Variants in CACNA2D2 observed in about 807,000 individuals in gnomAD.
CACNA2D2 encodes the protein voltage-dependent calcium channel subunit alpha-2/delta-2.
CACNA2D2 carries 48 observed loss-of-function variants against 166.4 expected under a neutral mutation model. The observed-to-expected ratio is 0.29, with a 90% CI of 0.23 to 0.37. CACNA2D2 has a LOEUF of 0.37. Ranked by LOEUF, CACNA2D2 falls within the 10% of genes least tolerant of loss-of-function variation. The pLI, the probability that CACNA2D2 is intolerant of heterozygous loss-of-function variation, is 1.00. For synonymous variants in CACNA2D2, 561 were observed against 573.7 expected, an observed-to-expected ratio of 0.98 and a Z score of 0.32; for missense variants, 1,122 against 1,433.0, an observed-to-expected ratio of 0.78 and a Z score of 3.50.
At chr3:50,440,945 G>T (rs1708561775) in intron 2 of CACNA2D2, among the ~76,000 whole-genome samples, 1 of 152,146 alleles carries the variant, frequency 6.6e-6, no homozygotes, top group Non-Finnish European at 1.5e-5. Context: ...GGCTGGGCAG[G>T]GGTTTTTGTG....
chr3:50,413,202 G>C (rs917883823), intron 3 of CACNA2D2, among the ~76,000 whole-genome samples: 2 of 152,080 alleles, frequency 1.3e-5, no homozygotes, highest in African/African-American at 2.4e-5. Context: ...AGCATGAGGA[G>C]GGGGAAGGGA....
chr3:50,367,472 G>C lies in CACNA2D2; in HGVS notation c.2323C>G (p.Pro775Ala), dbSNP rs747278921. 6.2e-7 allele frequency: 1 copy of C among 1,613,924 alleles called. No individual in the cohort carries two copies. The highest frequency in any genetic ancestry group is 8.5e-7 in the Non-Finnish European group (1 of 1,179,988). The change falls in exon 27 of 38, where the codon CCT (proline) becomes GCT (alanine). Residue 775 changes from proline (P) to alanine (A), a missense_variant. Pro to Ala is a conservative substitution (Grantham distance 27). Transcript: ENST00000424201. The surrounding 1 kb of genome is among the most constrained non-coding windows in gnomAD (Gnocchi z 6.5). ...TAGAAGCTGGCATTGAAGGGCTCAG[G>C]GTTCTCTGTCCAGTCCTCAGCTGCC... ...NKAAEDWTEN[P>A]EPFNASFYRR...
intron 2 of CACNA2D2, among the ~76,000 whole-genome samples, chr3:50,462,890 G>GA (rs112375169): frequency 0.096 from 13,907 of 144,494 alleles, 1,949 homozygotes; most frequent in African/African-American, 0.31. Context: ...ATAAGAAAAA[G>GA]AAAAAAAAAA....
rs1280106037 is a variant in CACNA2D2, at chr3:50,403,819, C to A, written c.406-9651G>T. Among the ~76,000 whole-genome samples, 3 of 152,366 alleles carry A rather than the reference C, an allele frequency of 2.0e-5. No homozygotes were observed. In the East Asian group the frequency reaches 5.8e-4, roughly 29 times the overall value. ...GGAGTGTCCTTTCTCATCCCCTCCCCTGGCTAGCTCCTCCTCATCCTGTAG... is the reference window on the plus strand; with the variant it reads ...GGAGTGTCCTTTCTCATCCCCTCCCATGGCTAGCTCCTCCTCATCCTGTAG... On this transcript the variant is annotated intron_variant, in intron 3 of 37. Coordinates refer to ENST00000424201, the MANE Select transcript of CACNA2D2 (RefSeq NM_006030.4).
At chr3:50,488,484 C>T (rs925083238) in intron 1 of CACNA2D2, among the ~76,000 whole-genome samples, 2 of 152,072 alleles carry the variant, frequency 1.3e-5, no homozygotes, top group Non-Finnish European at 2.9e-5. Flanking sequence ...TACTTTGTAT[C>T]TTGCAATCTT....
At chr3:50,406,517 C>A (rs1407590097) in intron 3 of CACNA2D2, among the ~76,000 whole-genome samples, 2 of 151,684 alleles carry the variant, frequency 1.3e-5, no homozygotes, top group East Asian at 4.2e-4. Context: ...CATTCACCAT[C>A]ATCCCCATCA....
At chr3:50,478,274 CT>C (rs1697886630) in intron 1 of CACNA2D2, among the ~76,000 whole-genome samples, 1 of 152,198 alleles carries the variant, frequency 6.6e-6, no homozygotes, top group African/African-American at 2.4e-5. Context: ...TGCGTGACCC[CT>C]GGCCCCTGTC....
At chr3:50,494,855 T>C (rs1160530334) in intron 1 of CACNA2D2, among the ~76,000 whole-genome samples, 1 of 151,922 alleles carries the variant, frequency 6.6e-6, no homozygotes, top group Admixed American at 6.6e-5. Context: ...TTGTATTTTT[T>C]TGTAGAGATG....
rs1703995481 is a variant in CACNA2D2, at chr3:50,362,670, T to G, written c.*1996A>C. ...TGGAAGCAAGTGCCATGCCCTGTGG[T>G]TGACAGGGACCTGGGCTACCATGGT... On this transcript the variant is annotated 3_prime_UTR_variant, in exon 38 of 38. Transcript: ENST00000424201. 1.3e-5 allele frequency: 2 copies of G among 154,244 alleles called. No individual in the cohort carries two copies. Among genetic ancestry groups the G allele is most frequent in the South Asian group, 4.1e-4 (2 of 4,852 alleles). The allele number at this position is 154,244 out of a possible 1,614,324, so 9.6% of individuals were successfully genotyped here.
At chr3:50,477,385 A>T (rs1697835899) in intron 1 of CACNA2D2, among the ~76,000 whole-genome samples, 1 of 152,174 alleles carries the variant, frequency 6.6e-6, no homozygotes, top group Non-Finnish European at 1.5e-5. Flanking sequence ...GACAGGATGG[A>T]CAGTTGGTCA....
rs1199775392 is a variant in CACNA2D2 at position 50,416,458 on chromosome 3, T to G, written c.405+17855A>C. Among the ~76,000 whole-genome samples, 3 of 152,198 alleles carry G rather than the reference T, an allele frequency of 2.0e-5. No individual in the cohort carries two copies. In the East Asian group the frequency reaches 5.8e-4, roughly 29 times the overall value. Reference sequence around the variant, plus strand: ...GAAATGTTTCTCCTTCCCAAACTGTTATGGTTGTGAGCTCAGAGCTCCACG... The same window carrying G: ...GAAATGTTTCTCCTTCCCAAACTGTGATGGTTGTGAGCTCAGAGCTCCACG... On this transcript the variant is annotated intron_variant, in intron 3 of 37. Transcript: ENST00000424201.
At chr3:50,439,576 G>A (rs1708495773) in intron 2 of CACNA2D2, among the ~76,000 whole-genome samples, 1 of 152,218 alleles carries the variant, frequency 6.6e-6, no homozygotes, top group Non-Finnish European at 1.5e-5. Flanking sequence ...TTTCACCACA[G>A]GGAGCAGCCA....
At chr3:50,455,577 C>T (rs140316924) in intron 2 of CACNA2D2, among the ~76,000 whole-genome samples, 1 of 152,296 alleles carries the variant, frequency 6.6e-6, no homozygotes, top group African/African-American at 2.4e-5. Context: ...CACAGCGTTA[C>T]AAACATCGGG....
At chr3:50,433,614 C>T (rs960607273) in intron 3 of CACNA2D2, among the ~76,000 whole-genome samples, 2 of 152,164 alleles carry the variant, frequency 1.3e-5, no homozygotes, top group African/African-American at 4.8e-5. Flanking sequence ...GCCTCTCACT[C>T]ATTTACGTAT....
intron 3 of CACNA2D2, among the ~76,000 whole-genome samples, 191 bp downstream of exon 3, chr3:50,434,122 C>T (rs1223579283): frequency 1.3e-5 from 2 of 152,222 alleles, no homozygotes; most frequent in Admixed American, 1.3e-4. Flanking sequence ...CATGCAGCTA[C>T]TCCAGATAGT....
At chr3:50,483,973 C>T (rs753999111) in intron 1 of CACNA2D2, among the ~76,000 whole-genome samples, 5 of 152,150 alleles carry the variant, frequency 3.3e-5, no homozygotes, top group East Asian at 3.9e-4. Flanking sequence ...CCCGTCAGGC[C>T]GCACATACCT....
chr3:50,421,499 T>A (rs780189604), intron 3 of CACNA2D2, among the ~76,000 whole-genome samples: 7 of 152,026 alleles, frequency 4.6e-5, no homozygotes, highest in Non-Finnish European at 1.0e-4. Context: ...TTTAAATGTT[T>A]ACTACTAACC....
At chr3:50,484,060 G>A (rs917508407) in intron 1 of CACNA2D2, among the ~76,000 whole-genome samples, 1 of 152,094 alleles carries the variant, frequency 6.6e-6, no homozygotes, top group Admixed American at 6.5e-5. Context: ...TGTCCGAAAC[G>A]AGATCCGAGA....
intron 3 of CACNA2D2, among the ~76,000 whole-genome samples, chr3:50,399,914 C>T (rs1217206360): frequency 6.6e-6 from 1 of 152,156 alleles, no homozygotes; most frequent in Non-Finnish European, 1.5e-5. Flanking sequence ...CTCCGAGTTG[C>T]CCCCACAAGC....
Sources: gnomAD v4.1 joint callset for allele counts (sites outside exome capture counted in the v4.1 genomes callset) on GRCh38, gnomAD v4.1.1 for gene constraint, Gnocchi (gnomAD v3.1) non-coding constraint, MANE v1.5 for transcripts, NCBI Gene and HGNC (gene_info 2026-07-23, HGNC 2026-07-21) for gene names.